Variants in PHF21B observed in about 807,000 individuals in gnomAD.
PHF21B encodes the protein PHD finger protein 21B, also known as PHD finger protein 4.
In PHF21B, 22 loss-of-function variants were observed where a neutral mutation model predicts 62.2. The observed-to-expected ratio is 0.35, with a 90% confidence interval of 0.25 to 0.51. The LOEUF is 0.51. Ranked by LOEUF, PHF21B falls within the 20% of genes least tolerant of loss-of-function variation. The pLI is 0.97. For missense variants in PHF21B, 701 were observed against 707.9 expected, an observed-to-expected ratio of 0.99 and a Z score of 0.11; for synonymous variants, 341 against 314.7, an observed-to-expected ratio of 1.08 and a Z score of -0.88.
At position 44,914,056 on chromosome 22, in the gene PHF21B, G is replaced by A. The variant is rs144771646; in HGVS notation, c.597C>T (p.Pro199=). The A allele has an allele frequency of 1.1e-3, 1,454 of 1,304,166 alleles. 2 individuals carry two copies. Among genetic ancestry groups the A allele is most frequent in the Non-Finnish European group, 1.1e-3 (1,016 of 920,946 alleles). The allele number at this position is 1,304,166 out of a possible 1,614,324, so 80.8% of individuals were successfully genotyped here. A position where few individuals can be genotyped will look rare whatever the true frequency, so the allele number is the denominator to read the frequency against. The change falls in exon 5 of 13, where the codon CCC becomes CCT. Residue 199 remains proline (P), a synonymous_variant. Coordinates refer to ENST00000313237, the MANE Select transcript of PHF21B (RefSeq NM_138415.5). ...PPPRLLSSPH[P]ATHHCPLHPS... Reference sequence around the variant, plus strand: ...GGTGGAGGGGACAGTGATGGGTTGCGGGGTGAGGGGAAGAGAGGAGGCGTG... The same window carrying A: ...GGTGGAGGGGACAGTGATGGGTTGCAGGGTGAGGGGAAGAGAGGAGGCGTG...
chr22:44,944,533 G>A (rs2147372617), intron 2 of PHF21B, among the ~76,000 whole-genome samples: 1 of 152,316 alleles, frequency 6.6e-6, no homozygotes, highest in Admixed American at 6.5e-5. Flanking sequence ...GGACAAATTA[G>A]GAACCCCACA....
At chr22:44,971,444 A>C (rs2072636725) in intron 2 of PHF21B, 1 of 152,024 alleles carries the variant, frequency 6.6e-6, no homozygotes, top group Non-Finnish European at 1.5e-5. Flanking sequence ...TGTACCGCAC[A>C]CAGAGTTGGG....
At chr22:44,936,512 G>A (rs2071850550) in intron 2 of PHF21B, among the ~76,000 whole-genome samples, 1 of 152,196 alleles carries the variant, frequency 6.6e-6, no homozygotes, top group Admixed American at 6.5e-5. Flanking sequence ...ACTCGAGACA[G>A]GACCGCCTCC....
In PHF21B at chr22:44,933,489, T is replaced by G. The variant is rs1014946144; in HGVS notation, c.121-12999A>C. The G allele has an allele frequency of 5.1e-6, 5 of 985,342 alleles. No individual in the cohort carries two copies. The African/African-American group carries it at 8.7e-5, about 17-fold the overall frequency. 61.0% of individuals were successfully genotyped at this position (985,342 alleles called of 1,614,324 possible). On this transcript the variant is annotated intron_variant, in intron 2 of 12. Coordinates refer to ENST00000313237, the MANE Select transcript of PHF21B (RefSeq NM_138415.5). ...CACACCTACCCCGTGCTGGGTCCCT[T>G]GTGCACAGATGAGAGGTTCTGCCCG...
chr22:44,923,380 C>A (rs2071572164), intron 2 of PHF21B, among the ~76,000 whole-genome samples: 1 of 147,664 alleles, frequency 6.8e-6, no homozygotes, highest in Non-Finnish European at 1.5e-5. Flanking sequence ...AATGTAGGGA[C>A]CAAAACTATA....
intron 2 of PHF21B, among the ~76,000 whole-genome samples, chr22:44,984,865 C>T (rs1027680261): frequency 1.2e-4 from 19 of 152,182 alleles, no homozygotes; most frequent in Non-Finnish European, 8.8e-5. Context: ...CGGACGGCAC[C>T]CTGGGCCTGA....
intron 2 of PHF21B, among the ~76,000 whole-genome samples, chr22:44,988,919 T>C (rs1198092743): frequency 6.6e-6 from 1 of 152,208 alleles, no homozygotes; most frequent in Non-Finnish European, 1.5e-5. Context: ...GCTTCAAAGA[T>C]GGTGCCTGGC....
chr22:44,998,814 T>A (rs1372901896), intron 2 of PHF21B, among the ~76,000 whole-genome samples: 1 of 152,180 alleles, frequency 6.6e-6, no homozygotes. Context: ...ACTCAACTCC[T>A]GGCTGCACCT....
intron 2 of PHF21B, among the ~76,000 whole-genome samples, chr22:44,998,653 C>T (rs749072015): frequency 2.6e-5 from 4 of 152,292 alleles, no homozygotes; most frequent in Non-Finnish European, 2.9e-5. Flanking sequence ...TGGGTACACC[C>T]GTCCAGAGAC....
intron 2 of PHF21B, 123 bp downstream of exon 2, chr22:45,008,420 CTG>C: frequency 1.1e-6 from 1 of 882,386 alleles, no homozygotes; most frequent in Non-Finnish European, 1.6e-6. Context: ...ACTTTGAGAA[CTG>C]GAGACAGACC....
intron 2 of PHF21B, among the ~76,000 whole-genome samples, chr22:44,962,294 C>A (rs1379961124): frequency 6.6e-6 from 1 of 152,158 alleles, no homozygotes; most frequent in Non-Finnish European, 1.5e-5. Context: ...TGTAGATGTG[C>A]CTCAACTTAC....
chr22:44,913,365 G>T (rs912468075), intron 5 of PHF21B, among the ~76,000 whole-genome samples: 7 of 152,170 alleles, frequency 4.6e-5, no homozygotes, highest in Admixed American at 3.3e-4. Context: ...GGACAGAGGG[G>T]CCCATAGCCG....
chr22:44,938,234 CTGGTTTTTTGT>C (rs1569240705), intron 2 of PHF21B, among the ~76,000 whole-genome samples: 1 of 150,862 alleles, frequency 6.6e-6, no homozygotes, highest in Non-Finnish European at 1.5e-5. Flanking sequence ...GCCACCATGC[CTGGTTTTTTGT>C]TTTTTTGAGA....
rs113130304 is a variant in PHF21B at position 44,990,974 on chromosome 22, G to C, written c.120+17571C>G. On this transcript the variant is annotated intron_variant, in intron 2 of 12. Coordinates refer to ENST00000313237, the MANE Select transcript of PHF21B (RefSeq NM_138415.5). ...CTTGGAAGGTCTAACCACCAACAGC[G>C]GGCCCTGCTGCCGCGGCTCCTCCAC... Among the ~76,000 whole-genome samples, 147 of 152,322 alleles carry C rather than the reference G, an allele frequency of 9.7e-4. 1 individual carries two copies. Among genetic ancestry groups the C allele is most frequent in the African/African-American group, 3.5e-3 (146 of 41,576 alleles).
At chr22:45,000,898 A>C (rs1235007014) in intron 2 of PHF21B, 1 of 152,160 alleles carries the variant, frequency 6.6e-6, no homozygotes, top group East Asian at 1.9e-4. Flanking sequence ...GCAGTCTAAA[A>C]GCACTTTCAT....
chr22:44,953,154 C>A (rs2147394506), intron 2 of PHF21B, among the ~76,000 whole-genome samples: 1 of 152,312 alleles, frequency 6.6e-6, no homozygotes, highest in East Asian at 1.9e-4. Context: ...AAGGTCCCCA[C>A]AGGACTCTTC....
At chr22:44,952,862 C>T (rs2072220950) in intron 2 of PHF21B, among the ~76,000 whole-genome samples, 1 of 152,186 alleles carries the variant, frequency 6.6e-6, no homozygotes. Flanking sequence ...AGAGAGCTCT[C>T]AGGACAAAAG....
chr22:44,952,486 G>A (rs1449049304), intron 2 of PHF21B, among the ~76,000 whole-genome samples: 1 of 152,240 alleles, frequency 6.6e-6, no homozygotes, highest in Non-Finnish European at 1.5e-5. Context: ...TATCCTGGGG[G>A]TGGAGGGAGC....
chr22:44,950,463 A>T (rs975683623), intron 2 of PHF21B, among the ~76,000 whole-genome samples: 1 of 152,218 alleles, frequency 6.6e-6, no homozygotes, highest in African/African-American at 2.4e-5. Context: ...ACCAACAGTA[A>T]AGGGATTCCT....
Sources: gnomAD v4.1 joint callset for allele counts (sites outside exome capture counted in the v4.1 genomes callset) on GRCh38, gnomAD v4.1.1 for gene constraint, MANE v1.5 for transcripts, NCBI Gene and HGNC (gene_info 2026-07-23, HGNC 2026-07-21) for gene names.